The following RFX7 variants were observed in gnomAD, a reference collection of about 807,000 sequenced individuals.
RFX7 encodes the protein DNA-binding protein RFX7.
In RFX7, 26 loss-of-function variants were observed where a neutral mutation model predicts 111.8. That is an observed-to-expected ratio of 0.23 (90% confidence interval 0.17 to 0.32). RFX7 has a LOEUF of 0.32. Among genes scored for constraint, RFX7 ranks in the 10% least tolerant of loss-of-function variants. The probability of loss-of-function intolerance (pLI) is 1.00; values close to 1 mark genes in which losing one functional copy is unlikely to be tolerated. For missense variants in RFX7, 1,573 were observed against 1,772.9 expected, an observed-to-expected ratio of 0.89 and a Z score of 2.02; for synonymous variants, 624 against 624.4, an observed-to-expected ratio of 1.00 and a Z score of 0.01.
intron 2 of RFX7, among the ~76,000 whole-genome samples, chr15:56,199,970 C>A (rs1292547667): frequency 6.6e-6 from 1 of 152,130 alleles, no homozygotes. Context: ...GCTCCATTAT[C>A]CAGTTAAAAA....
intron 3 of RFX7, among the ~76,000 whole-genome samples, chr15:56,176,939 TAAAA>T (rs33975389): frequency 4.0e-5 from 6 of 148,572 alleles, no homozygotes; most frequent in Non-Finnish European, 9.0e-5. Flanking sequence ...GCCAGGGTAT[TAAAA>T]AAAAAAAAAC....
At chr15:56,159,783 C>G (rs2042699474) in intron 3 of RFX7, among the ~76,000 whole-genome samples, 1 of 152,064 alleles carries the variant, frequency 6.6e-6, no homozygotes, top group Non-Finnish European at 1.5e-5. Context: ...CTACAGAGAA[C>G]CAGAGAGAGT....
intron 2 of RFX7, among the ~76,000 whole-genome samples, chr15:56,234,098 T>C (rs2141237569): frequency 6.6e-6 from 1 of 152,334 alleles, no homozygotes. Context: ...AAGGCCACTA[T>C]CCTGAATTTT....
chr15:56,165,162 G>A (rs1213746176), intron 3 of RFX7, among the ~76,000 whole-genome samples: 1 of 152,142 alleles, frequency 6.6e-6, no homozygotes, highest in African/African-American at 2.4e-5. Flanking sequence ...GACAGGAGGC[G>A]GAGCTCAGGC....
chr15:56,096,999 T>TC (rs571401409), intron 9 of RFX7, among the ~76,000 whole-genome samples: 103 of 152,166 alleles, frequency 6.8e-4, no homozygotes, highest in Non-Finnish European at 1.2e-3. Flanking sequence ...GATGGCTCAC[T>TC]CATAGGGGAA....
chr15:56,093,933 C>A lies in RFX7; in HGVS notation c.3795G>T (p.Val1265=). 1 of 1,613,942 alleles carries A rather than the reference C, an allele frequency of 6.2e-7. No homozygotes were observed. The change falls in exon 10 of 10, where the codon GTG becomes GTT. Residue 1265 remains valine, a synonymous_variant. Coordinates refer to ENST00000559447, the MANE Select transcript of RFX7 (RefSeq NM_022841.7). ...GCAGGTTGTTCATTCCCAAACCTCTCACTGCATCATCATTGTCGGAATCAA... is the reference window on the plus strand; with the variant it reads ...GCAGGTTGTTCATTCCCAAACCTCTAACTGCATCATCATTGTCGGAATCAA... ...SKLDSDNDDA[V]RGLGMNNLPS...
In RFX7 at chr15:56,169,564, T is replaced by C. The variant is rs956889705; in HGVS notation, c.195+9706A>G. ...CAACTCAGTGGAATAGGTACTATTA[T>C]CCTTCTTTATACCCACCTAAGTTAG... On this transcript the variant is annotated intron_variant, in intron 3 of 9. Transcript: ENST00000559447. Among the ~76,000 whole-genome samples the C allele has an allele frequency of 2.0e-5, 3 of 152,212 alleles. No individual in the cohort carries two copies. In the East Asian group the frequency reaches 5.8e-4, roughly 29 times the overall value.
intron 8 of RFX7, among the ~76,000 whole-genome samples, chr15:56,100,798 C>G (rs1452534853): frequency 2.6e-5 from 4 of 152,038 alleles, no homozygotes; most frequent in African/African-American, 9.7e-5. Flanking sequence ...TTGTCGATTC[C>G]AAAAACTCAT....
intron 5 of RFX7, among the ~76,000 whole-genome samples, chr15:56,108,545 A>T (rs1211612114): frequency 6.6e-6 from 1 of 151,836 alleles, no homozygotes; most frequent in Non-Finnish European, 1.5e-5. Flanking sequence ...TTGATGGAAC[A>T]TATCTCAAAA....
Position 56,094,592 on chromosome 15 carries a change from C to A in RFX7, c.3136G>T (p.Val1046Leu). ...GCCATGGGTCTTTGCATCGGTTTCA[C>A]AGGACTACTTGAGACAATGCTGGCG... ...HDASIVSSSP[V>L]KPMQRPMATH... The change falls in exon 10 of 10, where the codon GTG becomes TTG. Residue 1046 changes from valine (V) to leucine (L), a missense_variant. This residue lies in a region of RFX7 where 32 missense variants were observed against 67.7 expected (regional missense o/e 0.47). Coordinates refer to ENST00000559447, the MANE Select transcript of RFX7 (RefSeq NM_022841.7). 1 of 1,613,926 alleles carries A rather than the reference C, an allele frequency of 6.2e-7. No individual in the cohort carries two copies. Among genetic ancestry groups the A allele is most frequent in the South Asian group, 1.1e-5 (1 of 91,074 alleles).
At position 56,093,593 on chromosome 15, in the gene RFX7, C is replaced by A; in HGVS notation, c.4135G>T (p.Asp1379Tyr). 2 of 1,613,684 alleles carry A rather than the reference C, an allele frequency of 1.2e-6. No individual in the cohort carries two copies. The highest frequency in any genetic ancestry group is 1.7e-6 in the Non-Finnish European group (2 of 1,179,732). ...GACAACCTGATATCGCTAGAGAAAT[C>A]AGATGCAGTATTAGTGAGATCAGAT... is the stretch of plus-strand genomic sequence containing the variant. ...GASDLTNTAS[D>Y]FSSDIRLSSE... Residue 1379 changes from aspartate to tyrosine, a missense_variant, in exon 10 of 10, where the codon GAT (aspartate) becomes TAT (tyrosine). Asp to Tyr is a radical substitution (Grantham distance 160). Transcript: ENST00000559447.
At position 56,095,835 on chromosome 15, in the gene RFX7, T is replaced by C. The variant is rs12439907; in HGVS notation, c.1893A>G (p.Leu631=). The C allele has an allele frequency of 0.22, 357,491 of 1,609,088 alleles. 42,941 individuals are homozygous for C. The highest frequency in any genetic ancestry group is 0.48 in the East Asian group (21,539 of 44,872). The change falls in exon 10 of 10, where the codon TTA becomes TTG. Residue 631 remains leucine, a synonymous_variant. Coordinates refer to ENST00000559447, the MANE Select transcript of RFX7 (RefSeq NM_022841.7). The part of the protein sequence containing the change: ...TITLSVASQN[L]TFTSSSSPPN... ...GTGGTGAGCTGCTGCTGGTGAAAGT[T>C]AAGTTCTGAGAAGCAACTGATAGAG... is the stretch of plus-strand genomic sequence containing the variant.
intron 2 of RFX7, among the ~76,000 whole-genome samples, chr15:56,206,502 C>G (rs72738660): frequency 0.13 from 19,809 of 152,084 alleles, 1,675 homozygotes; most frequent in East Asian, 0.44. Context: ...CCACTGCTAG[C>G]TATATAGCCC....
chr15:56,238,123 A>C (rs529977102), intron 2 of RFX7, among the ~76,000 whole-genome samples: 2 of 152,360 alleles, frequency 1.3e-5, no homozygotes, highest in African/African-American at 4.8e-5. Context: ...ATTTCTCAAC[A>C]GAGTTAATAA....
intron 2 of RFX7, among the ~76,000 whole-genome samples, chr15:56,180,061 A>T (rs2042952009): frequency 6.6e-6 from 1 of 152,208 alleles, no homozygotes; most frequent in Admixed American, 6.5e-5. Flanking sequence ...ATGCAAAGAA[A>T]TCGTGCAAAA....
At chr15:56,227,831 T>C (rs1596023375) in intron 2 of RFX7, among the ~76,000 whole-genome samples, 1 of 152,202 alleles carries the variant, frequency 6.6e-6, no homozygotes, top group Admixed American at 6.5e-5. Context: ...AGAACTGAAT[T>C]GCTGACCTTT....
intron 5 of RFX7, among the ~76,000 whole-genome samples, chr15:56,107,335 GTT>G (rs372523526): frequency 8.7e-6 from 1 of 114,636 alleles, no homozygotes; most frequent in African/African-American, 3.1e-5. Context: ...AGAAAGAATT[GTT>G]TTTTTTTTTC....
At chr15:56,236,060 T>A (rs555270257) in intron 2 of RFX7, among the ~76,000 whole-genome samples, 1 of 152,250 alleles carries the variant, frequency 6.6e-6, no homozygotes, top group Non-Finnish European at 1.5e-5. Flanking sequence ...TTGTGCTCAG[T>A]TACGAGGAAA....
intron 2 of RFX7, among the ~76,000 whole-genome samples, chr15:56,203,958 T>C (rs1210019688): frequency 6.6e-6 from 1 of 152,130 alleles, no homozygotes; most frequent in Non-Finnish European, 1.5e-5. Context: ...AATTATTTCT[T>C]GCATTTAATC....
Sources: allele counts gnomAD v4.1 joint callset (sites outside exome capture counted in the v4.1 genomes callset), GRCh38; gene constraint gnomAD v4.1.1; regional missense constraint gnomAD v4.1.1; transcripts MANE v1.5; gene names NCBI Gene and HGNC (gene_info 2026-07-23, HGNC 2026-07-21).